FKBP5: variants seen among roughly 807,000 people sequenced by gnomAD.
The protein encoded by FKBP5 is peptidyl-prolyl cis-trans isomerase FKBP5.
A neutral mutation model predicts 50.5 loss-of-function variants in FKBP5; 23 were observed. The observed-to-expected ratio is 0.46, with a 90% CI of 0.33 to 0.65. FKBP5 has a LOEUF of 0.65. FKBP5 is among the 30% of genes least tolerant of loss of function. The pLI, the probability that FKBP5 is intolerant of heterozygous loss-of-function variation, is 0.02. For missense variants in FKBP5, 411 were observed against 553.1 expected (o/e 0.74, Z 2.58); for synonymous variants, 176 against 190.6 (o/e 0.92, Z 0.63).
At chr6:35,701,219 G>GTTT (rs1243273680) in intron 2 of FKBP5, among the ~76,000 whole-genome samples, 2 of 92,950 alleles carry the variant, frequency 2.2e-5, no homozygotes, top group African/African-American at 9.9e-5. Flanking sequence ...TTGTTTGTTT[G>GTTT]TTTGTTTGTT....
intron 1 of FKBP5, among the ~76,000 whole-genome samples, chr6:35,688,494 C>G (rs1020582512): frequency 6.6e-6 from 1 of 151,744 alleles, no homozygotes; most frequent in African/African-American, 2.4e-5. Flanking sequence ...TCGCCTCTGC[C>G]GGGAGAGGCC....
intron 1 of FKBP5, 120 bp from the exon 2 acceptor site, chr6:35,642,963 C>A: frequency 3.0e-6 from 2 of 662,094 alleles, no homozygotes; most frequent in South Asian, 2.0e-5. Context: ...AGCTTAGATA[C>A]TGAAAATGAA....
intron 1 of FKBP5, among the ~76,000 whole-genome samples, chr6:35,663,264 G>A (rs1210096149): frequency 6.6e-6 from 1 of 152,196 alleles, no homozygotes; most frequent in Non-Finnish European, 1.5e-5. Context: ...ACCCATCCAG[G>A]GAGCTGCATG....
At chr6:35,641,807 C>T (rs192304731) in intron 2 of FKBP5, among the ~76,000 whole-genome samples, 50 of 152,076 alleles carry the variant, frequency 3.3e-4, no homozygotes, top group Admixed American at 1.8e-3. Flanking sequence ...GAGTTCAAGA[C>T]CAGCCTGGCC....
At chr6:35,616,677 G>A (rs1001181183) in intron 5 of FKBP5, among the ~76,000 whole-genome samples, 4 of 152,096 alleles carry the variant, frequency 2.6e-5, no homozygotes, top group African/African-American at 4.8e-5. Flanking sequence ...CATCTCCACA[G>A]CGGTAATTTT....
At chr6:35,597,197 T>A in intron 6 of FKBP5, 51 bp downstream of exon 6, 1 of 1,595,988 alleles carries the variant, frequency 6.3e-7, no homozygotes, top group Non-Finnish European at 8.5e-7. Flanking sequence ...AGCAAGCATA[T>A]CCCTGTCCTT....
chr6:35,715,115 C>G (rs375446576), intron 2 of FKBP5, among the ~76,000 whole-genome samples: 2 of 152,068 alleles, frequency 1.3e-5, no homozygotes, highest in East Asian at 3.9e-4. Flanking sequence ...GGCCAGGCTG[C>G]TCTTGAACTC....
chr6:35,609,510 G>C (rs1459060449), intron 5 of FKBP5, among the ~76,000 whole-genome samples: 1 of 152,134 alleles, frequency 6.6e-6, no homozygotes, highest in Non-Finnish European at 1.5e-5. Context: ...ATATATCTGG[G>C]TGAAAAACCA....
chr6:35,576,697 G>A (rs547406790), intron 10 of FKBP5, among the ~76,000 whole-genome samples: 1 of 150,412 alleles, frequency 6.6e-6, no homozygotes, highest in East Asian at 2.0e-4. Context: ...CGGGCGGGGG[G>A]AGTTGGTGCA....
At chr6:35,716,056 G>A (rs965202042) in intron 2 of FKBP5, among the ~76,000 whole-genome samples, 2 of 152,150 alleles carry the variant, frequency 1.3e-5, no homozygotes, top group Admixed American at 6.6e-5. Flanking sequence ...GAAAGTTTCT[G>A]TCATGCAACA....
intron 5 of FKBP5, among the ~76,000 whole-genome samples, chr6:35,603,961 C>T (rs1763229316): frequency 6.6e-6 from 1 of 151,112 alleles, no homozygotes; most frequent in East Asian, 2.0e-4. Flanking sequence ...CAGCCTTGGC[C>T]TCCCAGAGTG....
intron 1 of FKBP5, among the ~76,000 whole-genome samples, chr6:35,677,202 T>C (rs372842984): frequency 2.0e-3 from 301 of 152,258 alleles, no homozygotes; most frequent in African/African-American, 7.0e-3. Context: ...GCCTCCCAAG[T>C]AGCTGGGACT....
At chr6:35,716,251 T>G (rs1185596908) in intron 2 of FKBP5, among the ~76,000 whole-genome samples, 1 of 152,140 alleles carries the variant, frequency 6.6e-6, no homozygotes, top group Non-Finnish European at 1.5e-5. Context: ...CACACACCCA[T>G]AGTCCTAGGT....
intron 3 of FKBP5, among the ~76,000 whole-genome samples, chr6:35,621,272 G>A (rs1487345293): frequency 1.3e-5 from 2 of 152,138 alleles, no homozygotes; most frequent in Non-Finnish European, 2.9e-5. Context: ...TTATCTTACT[G>A]TAAGCAGTAT....
chr6:35,727,696 G>C (rs1766743744), intron 1 of FKBP5, among the ~76,000 whole-genome samples: 1 of 152,224 alleles, frequency 6.6e-6, no homozygotes, highest in South Asian at 2.1e-4. Context: ...CCCAGGTCTC[G>C]CAAGTCTGGG....
intron 3 of FKBP5, among the ~76,000 whole-genome samples, chr6:35,631,379 T>G (rs1003161035): frequency 6.6e-6 from 1 of 152,138 alleles, no homozygotes; most frequent in Non-Finnish European, 1.5e-5. Flanking sequence ...GGCAAAATTA[T>G]AGTAACAGAA....
chr6:35,578,310 G>A (rs1219309136), intron 9 of FKBP5, among the ~76,000 whole-genome samples: 12 of 152,126 alleles, frequency 7.9e-5, no homozygotes, highest in East Asian at 7.7e-4. Context: ...CTCAGCCTCC[G>A]AAAGTCCTGG....
intron 2 of FKBP5, among the ~76,000 whole-genome samples, chr6:35,694,962 G>T (rs1029438301): frequency 6.6e-5 from 10 of 152,130 alleles, no homozygotes; most frequent in African/African-American, 2.4e-4. Flanking sequence ...GCACAAAGCA[G>T]CATATAATAA....
At chr6:35,615,805 A>G (rs1228941279) in intron 5 of FKBP5, among the ~76,000 whole-genome samples, 1 of 152,252 alleles carries the variant, frequency 6.6e-6, no homozygotes, top group East Asian at 1.9e-4. Flanking sequence ...AAGGGAAAAT[A>G]GTAACGTTGC....
Sources: allele counts gnomAD v4.1 joint callset (sites outside exome capture counted in the v4.1 genomes callset), GRCh38; gene constraint gnomAD v4.1.1; transcripts MANE v1.5; gene names NCBI Gene and HGNC (gene_info 2026-07-23, HGNC 2026-07-21).